Variants in TRAK1 observed in about 807,000 individuals in gnomAD.
TRAK1 encodes the protein trafficking kinesin-binding protein 1.
In TRAK1, 33 loss-of-function variants were observed where a neutral mutation model predicts 92.1. That is an observed-to-expected ratio of 0.36 (90% CI 0.27 to 0.48). The LOEUF (loss-of-function observed/expected upper bound fraction) is 0.48. TRAK1 is among the 20% of genes least tolerant of loss of function. TRAK1 has a pLI of 0.99. For missense variants in TRAK1, 1,123 were observed against 1,257.9 expected, an observed-to-expected ratio of 0.89 and a Z score of 1.62; for synonymous variants, 521 against 517.3, an observed-to-expected ratio of 1.01 and a Z score of -0.10.
chr3:42,203,574 C>CA (rs1349600574), intron 13 of TRAK1: 5 of 982,800 alleles, frequency 5.1e-6, no homozygotes, highest in Admixed American at 6.3e-5. Flanking sequence ...CAAGAGCCAC[C>CA]AAGTGCTTAT....
intron 2 of TRAK1, among the ~76,000 whole-genome samples, chr3:42,142,969 C>G (rs183154957): frequency 3.7e-4 from 56 of 152,242 alleles, no homozygotes; most frequent in African/African-American, 1.3e-3. Context: ...TTCTTGAAAC[C>G]TGGTGTTGCA....
At chr3:42,146,112 AT>A in intron 2 of TRAK1, 1 of 464,424 alleles carries the variant, frequency 2.2e-6, no homozygotes. Context: ...AAGTGCACTG[AT>A]TTATACACCA....
At chr3:42,183,683 C>A (rs1221009195) in intron 3 of TRAK1, among the ~76,000 whole-genome samples, 1 of 152,068 alleles carries the variant, frequency 6.6e-6, no homozygotes, top group Non-Finnish European at 1.5e-5. Context: ...AGGACTCCTC[C>A]CCAGCATTTT....
intron 1 of TRAK1, among the ~76,000 whole-genome samples, chr3:42,120,406 G>C (rs574334864): frequency 6.6e-6 from 1 of 151,398 alleles, no homozygotes; most frequent in Admixed American, 6.6e-5. Context: ...AGCATAAAGG[G>C]TTCCTTTCCT....
At chr3:42,138,167 T>A (rs1192276726) in intron 2 of TRAK1, among the ~76,000 whole-genome samples, 1 of 152,242 alleles carries the variant, frequency 6.6e-6, no homozygotes, top group African/African-American at 2.4e-5. Context: ...GAACATCTTA[T>A]AAGTATTCTC....
At chr3:42,158,526 G>A (rs1171962298) in intron 2 of TRAK1, among the ~76,000 whole-genome samples, 2 of 150,332 alleles carry the variant, frequency 1.3e-5, no homozygotes, top group Admixed American at 6.6e-5. Context: ...AGCTTATGCA[G>A]TATTTCAAAA....
In TRAK1 at chr3:42,102,733, T is replaced by C. The variant is rs113619571; in HGVS notation, c.91+11173T>C. ...GGCCCCTAGTCTGAGCCATTCCACA[T>C]TGATTTATTTCCCTTACTGCGCATG... On this transcript the variant is annotated intron_variant, in intron 1 of 15. Transcript: ENST00000327628. Among the ~76,000 whole-genome samples the C allele has an allele frequency of 7.4e-3, 1,126 of 152,264 alleles. 16 individuals carry two copies. The highest frequency in any genetic ancestry group is 0.025 in the African/African-American group (1,032 of 41,556).
At chr3:42,219,413 T>C in intron 14 of TRAK1, 81 bp from the exon 15 acceptor site, 1 of 1,608,858 alleles carries the variant, frequency 6.2e-7, no homozygotes, top group South Asian at 1.1e-5. Flanking sequence ...TTCTTGCATC[T>C]GTTGAGTGAC....
chr3:42,015,903 G>A (rs1701504261), intron 1 of TRAK1, among the ~76,000 whole-genome samples: 1 of 152,020 alleles, frequency 6.6e-6, no homozygotes, highest in Non-Finnish European at 1.5e-5. Context: ...TGGGCATGAT[G>A]ATGGGCACCT....
chr3:42,028,350 G>A (rs1416388168), intron 1 of TRAK1, among the ~76,000 whole-genome samples: 1 of 152,242 alleles, frequency 6.6e-6, no homozygotes, highest in African/African-American at 2.4e-5. Context: ...GGCAGAATGG[G>A]GAGCTGGAGA....
intron 1 of TRAK1, among the ~76,000 whole-genome samples, chr3:42,110,708 A>G (rs1708273334): frequency 6.6e-6 from 1 of 152,164 alleles, no homozygotes; most frequent in African/African-American, 2.4e-5. Flanking sequence ...CAGAAAAGCA[A>G]GTCTTGCCTT....
chr3:42,107,471 C>A (rs925061692), intron 1 of TRAK1, among the ~76,000 whole-genome samples: 7 of 150,194 alleles, frequency 4.7e-5, no homozygotes, highest in African/African-American at 1.7e-4. Flanking sequence ...AAGATTGTGC[C>A]ACTGCACTCC....
intron 2 of TRAK1, among the ~76,000 whole-genome samples, chr3:42,131,586 G>T (rs943962014): frequency 2.4e-5 from 3 of 124,516 alleles, no homozygotes; most frequent in African/African-American, 9.5e-5. Flanking sequence ...GCATGGTGGC[G>T]TGCACCTGTA....
At chr3:42,172,075 T>C (rs1702637235) in intron 2 of TRAK1, among the ~76,000 whole-genome samples, 1 of 152,180 alleles carries the variant, frequency 6.6e-6, no homozygotes, top group Non-Finnish European at 1.5e-5. Flanking sequence ...AATTCCTTAC[T>C]TTACTTGGCA....
chr3:42,140,319 A>C (rs1698486682), intron 2 of TRAK1, among the ~76,000 whole-genome samples: 1 of 152,162 alleles, frequency 6.6e-6, no homozygotes, highest in African/African-American at 2.4e-5. Flanking sequence ...AGTGACTGGC[A>C]GCGGCAACAT....
upstream of TRAK1, among the ~76,000 whole-genome samples, chr3:42,088,230 TAC>T (rs1704784846): frequency 6.6e-6 from 1 of 152,240 alleles, no homozygotes; most frequent in African/African-American, 2.4e-5. Context: ...GGTTCTGTGT[TAC>T]CAGTTAAGCC....
At chr3:42,054,277 TTGGCTGGAGAGTCAGGCC>T (rs1350917940) in intron 1 of TRAK1, among the ~76,000 whole-genome samples, 2 of 152,190 alleles carry the variant, frequency 1.3e-5, no homozygotes, top group Non-Finnish European at 1.5e-5. Flanking sequence ...AGCACCCCCT[TTGGCTGGAGAGTCAGGCC>T]TGGCTGGTTT....
chr3:42,200,513 G>T (rs1253919607), intron 11 of TRAK1, among the ~76,000 whole-genome samples: 1 of 152,182 alleles, frequency 6.6e-6, no homozygotes, highest in Non-Finnish European at 1.5e-5. Flanking sequence ...TCATACTTAA[G>T]TATTTTTATT....
chr3:42,154,832 G>A (rs934673423), intron 2 of TRAK1, among the ~76,000 whole-genome samples: 6 of 152,152 alleles, frequency 3.9e-5, no homozygotes, highest in Non-Finnish European at 7.3e-5. Context: ...TGTGAGTGAG[G>A]AACATTGAGC....
Sources: gnomAD v4.1 joint callset for allele counts (sites outside exome capture counted in the v4.1 genomes callset) on GRCh38, gnomAD v4.1.1 for gene constraint, MANE v1.5 for transcripts, NCBI Gene and HGNC (gene_info 2026-07-23, HGNC 2026-07-21) for gene names.